The following ZNF333 variants were observed in gnomAD, a reference collection of about 807,000 sequenced individuals.
ZNF333 encodes zinc finger protein 333.
ZNF333 carries 61 observed loss-of-function variants against 76.1 expected under a neutral mutation model. The observed-to-expected ratio is 0.80, with a 90% CI of 0.65 to 0.99. The LOEUF (loss-of-function observed/expected upper bound fraction) is 0.99, where lower values mean the gene tolerates loss of function less well. Ranked by LOEUF, ZNF333 falls within the 50% of genes least tolerant of loss-of-function variation. ZNF333 has a pLI of 0.00. For missense variants in ZNF333, 717 were observed against 822.4 expected (o/e 0.87, Z 1.57); for synonymous variants, 284 against 305.0 (o/e 0.93, Z 0.72).
intron 7 of ZNF333, among the ~76,000 whole-genome samples, chr19:14,713,100 C>A (rs1202961439): frequency 1.3e-5 from 2 of 152,152 alleles, no homozygotes; most frequent in Non-Finnish European, 2.9e-5. Flanking sequence ...TCATCTACAG[C>A]AGGTATGAGG....
At chr19:14,697,994 C>T (rs544621033) in intron 4 of ZNF333, among the ~76,000 whole-genome samples, 18 of 152,182 alleles carry the variant, frequency 1.2e-4, no homozygotes, top group Non-Finnish European at 1.3e-4. Context: ...GAAATTGCCT[C>T]TCATTTTCCC....
downstream of ZNF333, among the ~76,000 whole-genome samples, chr19:14,725,633 A>G (rs532978618): frequency 6.6e-6 from 1 of 152,214 alleles, no homozygotes; most frequent in Non-Finnish European, 1.5e-5. Context: ...GCCAAAAGAA[A>G]AAGGCAACAG....
intron 5 of ZNF333, among the ~76,000 whole-genome samples, chr19:14,700,854 A>G (rs1238722920): frequency 6.6e-6 from 1 of 152,182 alleles, no homozygotes; most frequent in Non-Finnish European, 1.5e-5. Flanking sequence ...AGCGTCAGGG[A>G]TGCCCCACAC....
rs1487680517 is a variant in ZNF333, at chr19:14,718,629, C to G, written c.1302C>G (p.Asn434Lys). 8 of 1,613,730 alleles carry G rather than the reference C, an allele frequency of 5.0e-6. 1 individual carries two copies. Among genetic ancestry groups the G allele is most frequent in the South Asian group, 2.2e-5 (2 of 91,086 alleles). Residue 434 changes from asparagine (N) to lysine (K), a missense_variant, in exon 12 of 12, where the codon AAC (asparagine) becomes AAG (lysine). By Grantham distance (94) the Asn-to-Lys change is moderately conservative. Transcript: ENST00000292530. ...AGTGTGGGAAAACCTTCACGAGGAA[C>G]TTTAACCTGATTTTGCACCAGAGAA... ...CSQCGKTFTR[N>K]FNLILHQRNH...
chr19:14,730,887 C>T (rs1262474751), intron 11 of ZNF333, among the ~76,000 whole-genome samples: 1 of 151,888 alleles, frequency 6.6e-6, no homozygotes, highest in Non-Finnish European at 1.5e-5. Context: ...TTAGCTCTCT[C>T]TTACAGGTGA....
chr19:14,698,893 AATATAGATATATATAT>A lies in ZNF333; in HGVS notation c.224-300_224-285del, dbSNP rs1274600249. On this transcript the variant is annotated intron_variant, in intron 4 of 11. Coordinates refer to ENST00000292530, the MANE Select transcript of ZNF333 (RefSeq NM_032433.4). ...ACATGTATGTGTGTACACACACACAAATATAGATATATATATATATATATATATATATATATATATA... is the reference window on the plus strand; with the variant it reads ...ACATGTATGTGTGTACACACACACAAATATATATATATATATATATATATA... Among the ~76,000 whole-genome samples the A allele has an allele frequency of 4.0e-4, 45 of 113,064 alleles. 2 individuals carry two copies. Among genetic ancestry groups the A allele is most frequent in the African/African-American group, 1.0e-3 (27 of 26,852 alleles). 74.2% of individuals were successfully genotyped at this position (113,064 alleles called of 152,430 possible).
Position 14,731,407 on chromosome 19 carries a change from G to A in ZNF333, c.*221G>A, listed in dbSNP as rs142737601. 8.1e-3 allele frequency: 4,672 copies of A among 574,386 alleles called. 40 individuals are homozygous for A. The highest frequency in any genetic ancestry group is 0.02 in the Middle Eastern group (46 of 2,314). 35.6% of individuals were successfully genotyped at this position (574,386 alleles called of 1,614,324 possible). A position where few individuals can be genotyped will look rare whatever the true frequency, so the allele number is the denominator to read the frequency against. ...GCTTAGTCACATACTTCTGGCTTCC[G>A]GATTGTAGGTTCCCCGCAAGGAGAC... On this transcript the variant is annotated 3_prime_UTR_variant, in exon 12 of 12. Transcript: ENST00000540689.
At chr19:14,714,363 G>A (rs532615159) in intron 7 of ZNF333, among the ~76,000 whole-genome samples, 12 of 152,092 alleles carry the variant, frequency 7.9e-5, no homozygotes, top group Non-Finnish European at 1.8e-4. Flanking sequence ...ACGCAGGGAG[G>A]GGACCGTGCG....
In ZNF333 at chr19:14,719,869, T is replaced by G. The variant is rs1033536493; in HGVS notation, c.*544T>G. 2.0e-6 allele frequency: 2 copies of G among 986,508 alleles called. No homozygotes were observed. The highest frequency in any genetic ancestry group is 1.2e-4 in the Admixed American group (2 of 16,396). 61.1% of individuals were successfully genotyped at this position (986,508 alleles called of 1,614,324 possible). ...AAGAACCTGGGTTTTCTGTTCAGAT[T>G]GGCAGTGTGCACTATTAAAAAGCTT... On this transcript the variant is annotated 3_prime_UTR_variant, in exon 12 of 12. Transcript: ENST00000292530.
At chr19:14,724,449 T>C (rs2147037909), downstream of ZNF333, among the ~76,000 whole-genome samples, 1 of 152,280 alleles carries the variant, frequency 6.6e-6, no homozygotes, top group Admixed American at 6.5e-5. Context: ...GGTTGATTTA[T>C]TGGATGACAT....
At chr19:14,696,566 G>A (rs961925853) in intron 4 of ZNF333, among the ~76,000 whole-genome samples, 1 of 151,900 alleles carries the variant, frequency 6.6e-6, no homozygotes, top group Non-Finnish European at 1.5e-5. Flanking sequence ...AGGCTGAGGG[G>A]CTGCATCTGG....
Position 14,721,280 on chromosome 19 carries a change from C to CTTTTTTTTTTT in ZNF333, c.*1970_*1980dup, listed in dbSNP as rs56066058. The CTTTTTTTTTTT allele has an allele frequency of 4.1e-4, 36 of 87,850 alleles. No homozygotes were observed. Among genetic ancestry groups the CTTTTTTTTTTT allele is most frequent in the Non-Finnish European group, 4.6e-4 (22 of 47,634 alleles). 5.4% of individuals were successfully genotyped at this position (87,850 alleles called of 1,614,324 possible). On this transcript the variant is annotated 3_prime_UTR_variant, in exon 12 of 12. Coordinates refer to ENST00000292530, the MANE Select transcript of ZNF333 (RefSeq NM_032433.4). Reference sequence around the variant, plus strand: ...GGACTAGTCTCCATTTTTACTTGTTCTTTTTTTTTTTTTTTTTTTTTTTTT... The same window carrying CTTTTTTTTTTT: ...GGACTAGTCTCCATTTTTACTTGTTCTTTTTTTTTTTTTTTTTTTTTTTTTTTTTTTTTTTT...
At chr19:14,696,567 C>T (rs1224519523) in intron 4 of ZNF333, among the ~76,000 whole-genome samples, 2 of 151,930 alleles carry the variant, frequency 1.3e-5, no homozygotes, top group African/African-American at 2.4e-5. Flanking sequence ...GGCTGAGGGG[C>T]TGCATCTGGT....
At chr19:14,705,868 C>G (rs931214160) in intron 6 of ZNF333, among the ~76,000 whole-genome samples, 5 of 152,308 alleles carry the variant, frequency 3.3e-5, no homozygotes, top group African/African-American at 1.2e-4. Context: ...CCCTACCCTG[C>G]TTTGTGGAAA....
chr19:14,694,388 G>A (rs956211041), intron 2 of ZNF333, among the ~76,000 whole-genome samples: 2 of 151,924 alleles, frequency 1.3e-5, no homozygotes, highest in Non-Finnish European at 2.9e-5. Context: ...TAGGAAAATC[G>A]CTTGAACCCA....
exon 12 of ZNF333, chr19:14,733,019 A>AAG (rs1378388683): frequency 6.6e-6 from 1 of 152,198 alleles, no homozygotes; most frequent in Non-Finnish European, 1.5e-5. Flanking sequence ...CACATGTTCC[A>AAG]AGCCTCCAGC....
chr19:14,699,225 G>A lies in ZNF333; in HGVS notation c.250G>A (p.Glu84Lys). 6.2e-7 allele frequency: 1 copy of A among 1,613,914 alleles called. No homozygotes were observed. The highest frequency in any genetic ancestry group is 1.1e-5 in the South Asian group (1 of 91,080). ...CTGGGAATCTCAACTTAAACCCGAA[G>A]AGTTGCCTTCTATGCAGGATCTTTT... ...VAWESQLKPE[E>K]LPSMQDLLEE... Residue 84 changes from glutamate to lysine, a missense_variant, in exon 5 of 12, where the codon GAG (glutamate) becomes AAG (lysine). By Grantham distance (56) the Glu-to-Lys change is moderately conservative (BLOSUM62 1). Coordinates refer to ENST00000292530, the MANE Select transcript of ZNF333 (RefSeq NM_032433.4).
At chr19:14,727,088 C>T (rs373601631) in intron 11 of ZNF333, among the ~76,000 whole-genome samples, 9 of 128,938 alleles carry the variant, frequency 7.0e-5, no homozygotes, top group East Asian at 2.4e-4. Context: ...AGTGCAGTGG[C>T]GCAATCTTGG....
chr19:14,697,855 C>G (rs1973334832), intron 4 of ZNF333, among the ~76,000 whole-genome samples: 1 of 152,248 alleles, frequency 6.6e-6, no homozygotes, highest in Non-Finnish European at 1.5e-5. Flanking sequence ...CTCGCCCATA[C>G]TTGTCATCCA....
Sources: gnomAD v4.1 joint callset for allele counts (sites outside exome capture counted in the v4.1 genomes callset) on GRCh38, gnomAD v4.1.1 for gene constraint, MANE v1.5 for transcripts, NCBI Gene and HGNC (gene_info 2026-07-23, HGNC 2026-07-21) for gene names.